Variants in USP6 observed in about 807,000 individuals in gnomAD.
USP6 encodes the protein ubiquitin carboxyl-terminal hydrolase 6.
USP6 carries 128 observed loss-of-function variants against 175.7 expected under a neutral mutation model. The observed-to-expected ratio is 0.73, with a 90% CI of 0.63 to 0.84. USP6 has a LOEUF of 0.84. USP6 is among the 40% of genes least tolerant of loss of function. The pLI, the probability that USP6 is intolerant of heterozygous loss-of-function variation, is 0.00. For missense variants in USP6, 1,498 were observed against 1,760.3 expected, an observed-to-expected ratio of 0.85 and a Z score of 2.67; for synonymous variants, 562 against 630.6, an observed-to-expected ratio of 0.89 and a Z score of 1.63.
intron 4 of USP6, among the ~76,000 whole-genome samples, chr17:5,123,393 C>T (rs929379138): frequency 2.0e-5 from 3 of 151,666 alleles, no homozygotes; most frequent in Non-Finnish European, 4.4e-5. Flanking sequence ...CCCGGCGTGG[C>T]GTGGCGTGGC....
intron 30 of USP6, among the ~76,000 whole-genome samples, chr17:5,153,906 G>A (rs559349475): frequency 1.3e-5 from 2 of 152,246 alleles, no homozygotes; most frequent in African/African-American, 4.8e-5. Context: ...TGCCTGCCTC[G>A]GCCTCCCGAA....
chr17:5,139,129 C>A, intron 21 of USP6, 126 bp from the exon 22 acceptor site: 1 of 1,597,498 alleles, frequency 6.3e-7, no homozygotes, highest in South Asian at 1.1e-5. Flanking sequence ...GGCGTGTCGT[C>A]AGTGTCAGAC....
At position 5,132,083 on chromosome 17, in the gene USP6, C is replaced by T. The variant is rs565156053; in HGVS notation, c.156-313C>T. 5.4e-5 allele frequency: 54 copies of T among 999,820 alleles called. No individual in the cohort carries two copies. The East Asian group carries it at 6.6e-4, about 12-fold the overall frequency. 61.9% of individuals were successfully genotyped at this position (999,820 alleles called of 1,614,324 possible). ...GCCCCCATCCCATCTCAGGGCTAACCTTTCTCAGCTCCAGCAGAAAGCACC... is the reference window on the plus strand; with the variant it reads ...GCCCCCATCCCATCTCAGGGCTAACTTTTCTCAGCTCCAGCAGAAAGCACC... On this transcript the variant is annotated intron_variant, in intron 11 of 37. Coordinates refer to ENST00000574788, the MANE Select transcript of USP6 (RefSeq NM_001304284.2). This position sits in a 1 kb window ranked among gnomAD's most constrained non-coding sequence, Gnocchi z 4.7.
chr17:5,125,598 C>G (rs1295241373), intron 5 of USP6, among the ~76,000 whole-genome samples: 9 of 151,920 alleles, frequency 5.9e-5, no homozygotes, highest in Non-Finnish European at 8.8e-5. Flanking sequence ...GAAAGACTTA[C>G]AGCTTGGAGT....
chr17:5,167,022 A>T (rs2074109473), intron 33 of USP6, among the ~76,000 whole-genome samples: 1 of 152,200 alleles, frequency 6.6e-6, no homozygotes, highest in Admixed American at 6.5e-5. Flanking sequence ...GCCATCTCAG[A>T]TAAAAAGGCC....
At chr17:5,120,568 G>A (rs2072631703) in intron 2 of USP6, 59 bp from the exon 3 acceptor site, 1 of 353,710 alleles carries the variant, frequency 2.8e-6, no homozygotes, top group Non-Finnish European at 5.5e-6. Context: ...AAGAAGGCAG[G>A]CCCCAGGGTC....
chr17:5,163,972 A>T (rs1461192374), intron 33 of USP6, among the ~76,000 whole-genome samples: 1 of 152,242 alleles, frequency 6.6e-6, no homozygotes, highest in Non-Finnish European at 1.5e-5. Context: ...TTTTAATTCC[A>T]TACCTAAAAA....
intron 21 of USP6, among the ~76,000 whole-genome samples, 182 bp downstream of exon 21, chr17:5,138,455 G>T (rs551303138): frequency 6.6e-6 from 1 of 152,162 alleles, no homozygotes; most frequent in African/African-American, 2.4e-5. Flanking sequence ...CACTCAGTGC[G>T]TGTATACTGG....
At chr17:5,163,561 C>T (rs779380181) in intron 33 of USP6, among the ~76,000 whole-genome samples, 8 of 152,212 alleles carry the variant, frequency 5.3e-5, no homozygotes, top group Non-Finnish European at 8.8e-5. Flanking sequence ...CTCCTAACAA[C>T]GCCACATTGG....
At chr17:5,142,630 A>G (rs2073481894) in intron 25 of USP6, 128 bp downstream of exon 25, 24 of 1,375,650 alleles carry the variant, frequency 1.7e-5, no homozygotes, top group Non-Finnish European at 2.3e-5. Flanking sequence ...CTTGGTATAA[A>G]CAAGAGGCCA....
rs1021747794 is a variant in USP6, at chr17:5,132,111, C to T, written c.156-285C>T. On this transcript the variant is annotated intron_variant, in intron 11 of 37. Transcript: ENST00000574788. This position sits in a 1 kb window ranked among gnomAD's most constrained non-coding sequence, Gnocchi z 4.7. ...TCTCAGCTCCAGCAGAAAGCACCACCTCAAGTCCAGGATGGGCAGCCCCAC... is the reference window on the plus strand; with the variant it reads ...TCTCAGCTCCAGCAGAAAGCACCACTTCAAGTCCAGGATGGGCAGCCCCAC... 9.3e-6 allele frequency: 11 copies of T among 1,186,276 alleles called. No homozygotes were observed. Among genetic ancestry groups the T allele is most frequent in the South Asian group, 1.5e-5 (1 of 65,124 alleles). The allele number at this position is 1,186,276 out of a possible 1,614,324, so 73.5% of individuals were successfully genotyped here.
At position 5,163,433 on chromosome 17, in the gene USP6, A is replaced by T. The variant is rs1379775671; in HGVS notation, c.3036+429A>T. ...AACAGGAGGAAGATCCTCGCTTTCTAACAGCCCGCTCTCTTGGAAACTAAG... is the reference window on the plus strand; with the variant it reads ...AACAGGAGGAAGATCCTCGCTTTCTTACAGCCCGCTCTCTTGGAAACTAAG... On this transcript the variant is annotated intron_variant, in intron 33 of 37. Transcript: ENST00000574788. Among the ~76,000 whole-genome samples, 3 of 152,154 alleles carry T rather than the reference A, an allele frequency of 2.0e-5. No homozygotes were observed. In the East Asian group the frequency reaches 5.8e-4, roughly 29 times the overall value.
In USP6 at chr17:5,142,454, G is replaced by A; in HGVS notation, c.1770G>A (p.Gln590=). The A allele has an allele frequency of 1.9e-6, 3 of 1,613,934 alleles. No homozygotes were observed. Among genetic ancestry groups the A allele is most frequent in the Non-Finnish European group, 2.5e-6 (3 of 1,179,840 alleles). ...HMAKCYGDLV[Q]ELWSGTQKSV... ...CTAAATGCTATGGTGATTTAGTGCAGGAACTCTGGAGTGGAACTCAGAAGA... is the reference window on the plus strand; with the variant it reads ...CTAAATGCTATGGTGATTTAGTGCAAGAACTCTGGAGTGGAACTCAGAAGA... The change falls in exon 25 of 38, where the codon CAG becomes CAA. Residue 590 remains glutamine (Q), a synonymous_variant. Coordinates refer to ENST00000574788, the MANE Select transcript of USP6 (RefSeq NM_001304284.2).
chr17:5,128,023 A>T (rs2072945073), intron 7 of USP6, among the ~76,000 whole-genome samples: 1 of 152,220 alleles, frequency 6.6e-6, no homozygotes, highest in African/African-American at 2.4e-5. Context: ...GCTAATGAGT[A>T]CAGGGGAGCA....
chr17:5,161,387 G>C, intron 31 of USP6, 141 bp from the exon 32 acceptor site: 2 of 776,134 alleles, frequency 2.6e-6, no homozygotes, highest in Non-Finnish European at 4.2e-6. Context: ...ATGGATTAGG[G>C]TAAGTAACAT....
chr17:5,122,346 C>G (rs2143731368), intron 4 of USP6, among the ~76,000 whole-genome samples: 1 of 152,238 alleles, frequency 6.6e-6, no homozygotes, highest in African/African-American at 2.4e-5. Context: ...CCATCAGCCA[C>G]AGGGTGAAGA....
At chr17:5,130,802 C>G (rs931616439) in intron 11 of USP6, 118 bp downstream of exon 11, 7 of 1,347,694 alleles carry the variant, frequency 5.2e-6, no homozygotes, top group Non-Finnish European at 7.3e-6. Flanking sequence ...GGGCCAACCT[C>G]TTTTCCAGGG....
rs1407085438 is a variant in USP6, at chr17:5,173,433, A to T, written c.*455A>T. ...AGTTTTATTCCATTATATTGACAAG[A>T]TGGAGAAAGCAAGATCATGAAGGTG... On this transcript the variant is annotated 3_prime_UTR_variant, in exon 38 of 38. Coordinates refer to ENST00000574788, the MANE Select transcript of USP6 (RefSeq NM_001304284.2). The T allele has an allele frequency of 4.5e-6, 1 of 224,304 alleles. No homozygotes were observed. The highest frequency in any genetic ancestry group is 8.9e-6 in the Non-Finnish European group (1 of 112,396). The allele number at this position is 224,304 out of a possible 1,614,324, so 13.9% of individuals were successfully genotyped here.
chr17:5,153,243 G>A (rs1598065637), intron 30 of USP6, among the ~76,000 whole-genome samples: 1 of 152,200 alleles, frequency 6.6e-6, no homozygotes, highest in East Asian at 1.9e-4. Context: ...CTTAAACTCA[G>A]TGATAACAGA....
Sources: allele counts gnomAD v4.1 joint callset (sites outside exome capture counted in the v4.1 genomes callset), GRCh38; gene constraint gnomAD v4.1.1; non-coding constraint Gnocchi (gnomAD v3.1); transcripts MANE v1.5; gene names NCBI Gene and HGNC (gene_info 2026-07-23, HGNC 2026-07-21).